The following CETP variants were observed in gnomAD, a reference collection of about 807,000 sequenced individuals.
The protein encoded by CETP is cholesteryl ester transfer protein, also known as BPI fold containing family F.
Under a neutral mutation model 66.5 loss-of-function variants are expected in CETP, and 56 were observed. That is an observed-to-expected ratio of 0.84 (90% CI 0.68 to 1.05). The LOEUF (loss-of-function observed/expected upper bound fraction) is 1.05. CETP is among the 50% of genes least tolerant of loss of function. The probability of loss-of-function intolerance (pLI) is 0.00; values close to 1 mark genes in which losing one functional copy is unlikely to be tolerated. For missense variants in CETP, 612 were observed against 609.6 expected, an observed-to-expected ratio of 1.00 and a Z score of -0.04; for synonymous variants, 251 against 245.7, an observed-to-expected ratio of 1.02 and a Z score of -0.20.
chr16:56,967,920 C>T (rs1194075534), intron 2 of CETP, among the ~76,000 whole-genome samples: 1 of 151,500 alleles, frequency 6.6e-6, no homozygotes, highest in African/African-American at 2.4e-5. Flanking sequence ...GATTACACAA[C>T]TGCACTCTGG....
Position 56,983,306 on chromosome 16 carries a change from G to C in CETP, c.1322-20G>C. The C allele has an allele frequency of 3.7e-6, 6 of 1,612,956 alleles. No homozygotes were observed. Among genetic ancestry groups the C allele is most frequent in the Non-Finnish European group, 5.1e-6 (6 of 1,178,932 alleles). ...TTGCTCCCCAAGAAGGGCTGACTGG[G>C]GCTCTGTCCCCTGCCCCAGGGCTCG... On this transcript the variant is annotated intron_variant, in intron 14 of 15. Transcript: ENST00000200676.
Position 56,978,173 on chromosome 16 carries a change from T to A in CETP, c.1064T>A (p.Val355Asp), listed in dbSNP as rs1348877906. 6.2e-7 allele frequency: 1 copy of A among 1,613,698 alleles called. No homozygotes were observed. The highest frequency in any genetic ancestry group is 1.7e-5 in the Admixed American group (1 of 59,996). ...MPKISCQNKG[V>D]VVNSSVMVKF... is the part of the protein sequence containing the mutation. ...AAGATCTCCTGCCAAAACAAGGGAG[T>A]CGTGGTCAATTCTTCAGTGATGGTG... Residue 355 changes from valine (V) to aspartate (D), a missense_variant, in exon 11 of 16, where the codon GTC (valine) becomes GAC (aspartate). By Grantham distance (152) the Val-to-Asp change is radical (BLOSUM62 -3). Coordinates refer to ENST00000200676, the MANE Select transcript of CETP (RefSeq NM_000078.3).
At chr16:56,967,610 G>T (rs1174951041) in intron 2 of CETP, among the ~76,000 whole-genome samples, 3 of 148,194 alleles carry the variant, frequency 2.0e-5, no homozygotes, top group African/African-American at 7.5e-5. Flanking sequence ...AGCCGAGATC[G>T]TGCCACTGCA....
intron 11 of CETP, among the ~76,000 whole-genome samples, chr16:56,980,719 C>T (rs2056181452): frequency 6.6e-6 from 1 of 152,064 alleles, no homozygotes; most frequent in African/African-American, 2.4e-5. Context: ...GTCAGGAGTT[C>T]AAGACCAGCC....
intron 10 of CETP, among the ~76,000 whole-genome samples, chr16:56,976,747 C>T (rs933557461): frequency 5.9e-5 from 9 of 152,080 alleles, no homozygotes; most frequent in African/African-American, 1.4e-4. Flanking sequence ...TTCCATTTTC[C>T]GTGTCTCTTA....
intron 2 of CETP, among the ~76,000 whole-genome samples, chr16:56,965,388 G>C (rs142534647): frequency 6.6e-6 from 1 of 152,148 alleles, no homozygotes; most frequent in Non-Finnish European, 1.5e-5. Context: ...TCTCTAAAGC[G>C]AATGGAATAA....
chr16:56,969,925 G>C lies in CETP; in HGVS notation c.451G>C (p.Gly151Arg). The C allele has an allele frequency of 3.1e-6, 5 of 1,614,106 alleles. No homozygotes were observed. Among genetic ancestry groups the C allele is most frequent in the Non-Finnish European group, 3.4e-6 (4 of 1,179,976 alleles). ...GGGTCTCCCTGCAGCCTGTGACTCT[G>C]GTAGAGTGCGGACCGATGCCCCTGA... ...QINTQLTCDS[G>R]RVRTDAPDCY... The change falls in exon 5 of 16, where the codon GGT becomes CGT. Residue 151 changes from glycine to arginine, a missense_variant. Transcript: ENST00000200676.
chr16:56,969,981 G>A lies in CETP; in HGVS notation c.507G>A (p.Leu169=). 1 of 1,613,942 alleles carries A rather than the reference G, an allele frequency of 6.2e-7. No individual in the cohort carries two copies. Among genetic ancestry groups the A allele is most frequent in the Middle Eastern group, 1.6e-4 (1 of 6,062 alleles). The stretch of plus-strand genomic sequence containing the variant: ...ACCTGTCTTTCCATAAGCTGCTCCT[G>A]CATCTCCAAGGGGAGCGAGAGTAAG... ...DCYLSFHKLL[L]HLQGEREPGW... Residue 169 remains leucine, a synonymous_variant, in exon 5 of 16, where the codon CTG becomes CTA. Transcript: ENST00000200676.
rs754154243 is a variant in CETP at position 56,978,253 on chromosome 16, G to T, written c.1144G>T (p.Glu382Ter). 6.2e-7 allele frequency: 1 copy of T among 1,614,132 alleles called. No homozygotes were observed. The highest frequency in any genetic ancestry group is 8.5e-7 in the Non-Finnish European group (1 of 1,180,026). ...ACATTCTGTAGCTTACACATTTGAA[G>T]AGGTGAGGCGGGTGCAGGGAGAGGT... ...QQHSVAYTFE[E>*]DIVTTVQASY... Residue 382 changes from glutamate to a stop codon, truncating the protein, a stop_gained and splice_region_variant, in exon 11 of 16, where the codon GAG (glutamate) becomes TAG (stop). Transcript: ENST00000200676. LOFTEE classifies it high-confidence loss of function.
intron 12 of CETP, 113 bp from the exon 13 acceptor site, chr16:56,981,534 G>T (rs2056187936): frequency 1.6e-6 from 2 of 1,272,846 alleles, no homozygotes; most frequent in Non-Finnish European, 1.1e-6. Flanking sequence ...GCCCCAAAGG[G>T]CCTGAGCTAT....
rs769857730 is a variant in CETP, at chr16:56,982,220, T to C, written c.1304T>C (p.Ile435Thr). 15 of 1,614,090 alleles carry C rather than the reference T, an allele frequency of 9.3e-6. No homozygotes were observed. The highest frequency in any genetic ancestry group is 1.3e-5 in the Non-Finnish European group (15 of 1,179,996). ...FLQSMITAVGIPEVMSRLEVV... is the reference protein window; with the variant it reads ...FLQSMITAVGTPEVMSRLEVV... ...CAGTCAATGATCACCGCTGTGGGCA[T>C]CCCTGAGGTCATGTCTCGTAAGTGT... Residue 435 changes from isoleucine to threonine, a missense_variant, in exon 14 of 16, where the codon ATC (isoleucine) becomes ACC (threonine). Coordinates refer to ENST00000200676, the MANE Select transcript of CETP (RefSeq NM_000078.3).
intron 11 of CETP, 88 bp from the exon 12 acceptor site, chr16:56,981,070 G>A (rs1165585139): frequency 1.0e-6 from 1 of 971,554 alleles, no homozygotes; most frequent in African/African-American, 1.6e-5. Context: ...GTCCCTCAGT[G>A]GAAAGAATCA....
chr16:56,981,899 T>A lies in CETP; in HGVS notation c.1248+219T>A, dbSNP rs543918477. On this transcript the variant is annotated intron_variant, in intron 13 of 15. Coordinates refer to ENST00000200676, the MANE Select transcript of CETP (RefSeq NM_000078.3). ...GAGAGTGTGGTGGTATGGATTGGGG[T>A]TTAGGCAGAACAGTACTGGCCAAGC... Among the ~76,000 whole-genome samples, 3 of 152,134 alleles carry A rather than the reference T, an allele frequency of 2.0e-5. No individual in the cohort carries two copies. The East Asian group carries it at 5.8e-4, about 29-fold the overall frequency.
At chr16:56,972,534 G>T (rs534225179) in intron 8 of CETP, among the ~76,000 whole-genome samples, 1 of 152,300 alleles carries the variant, frequency 6.6e-6, no homozygotes, top group South Asian at 2.1e-4. Context: ...CTGCAGCCCC[G>T]CGGGATCAGG....
chr16:56,982,047 G>T, intron 13 of CETP, 118 bp from the exon 14 acceptor site: 1 of 961,780 alleles, frequency 1.0e-6, no homozygotes, highest in Non-Finnish European at 1.7e-6. Flanking sequence ...GAGTGGGTTG[G>T]ATGTATTTTT....
rs756059330 is a variant in CETP, at chr16:56,971,390, G to A, written c.658+9G>A. On this transcript the variant is annotated intron_variant, in intron 7 of 15. Coordinates refer to ENST00000200676, the MANE Select transcript of CETP (RefSeq NM_000078.3). ...TGTCCAGACAAGGGCTGGTGAGTGC[G>A]TTTCTGTCTGCATGCCTCAGAAGAC... 12 of 1,613,106 alleles carry A rather than the reference G, an allele frequency of 7.4e-6. No individual in the cohort carries two copies. The highest frequency in any genetic ancestry group is 1.3e-5 in the African/African-American group (1 of 74,932).
chr16:56,982,240 A>G lies in CETP; in HGVS notation c.1321+3A>G. Reference sequence around the variant, plus strand: ...GGGCATCCCTGAGGTCATGTCTCGTAAGTGTGGGCTGGAGGGGAAACTGGG... The same window carrying G: ...GGGCATCCCTGAGGTCATGTCTCGTGAGTGTGGGCTGGAGGGGAAACTGGG... On this transcript the variant is annotated splice_donor_region_variant and intron_variant, in intron 14 of 15. Transcript: ENST00000200676. 1 of 1,613,920 alleles carries G rather than the reference A, an allele frequency of 6.2e-7. No individual in the cohort carries two copies. The highest frequency in any genetic ancestry group is 8.5e-7 in the Non-Finnish European group (1 of 1,179,880).
rs1371369653 is a variant in CETP, at chr16:56,983,215, A to G, written c.1322-111A>G. ...AAATCAAAGTGAAACGCATGTTTACAGAATATTGGTCCAAAAGGGTCTCAG... is the reference window on the plus strand; with the variant it reads ...AAATCAAAGTGAAACGCATGTTTACGGAATATTGGTCCAAAAGGGTCTCAG... On this transcript the variant is annotated intron_variant, in intron 14 of 15. Coordinates refer to ENST00000200676, the MANE Select transcript of CETP (RefSeq NM_000078.3). 9.6e-6 allele frequency: 8 copies of G among 833,224 alleles called. No homozygotes were observed. The African/African-American group carries it at 1.3e-4, about 14-fold the overall frequency. 51.6% of individuals were successfully genotyped at this position (833,224 alleles called of 1,614,324 possible).
At position 56,963,059 on chromosome 16, in the gene CETP, C is replaced by T. The variant is rs1344354869; in HGVS notation, c.168C>T (p.Ser56=). The change falls in exon 2 of 16, where the codon AGC becomes AGT. Residue 56 remains serine (S), a synonymous_variant. Coordinates refer to ENST00000200676, the MANE Select transcript of CETP (RefSeq NM_000078.3). ...KVIQTAFQRA[S]YPDITGEKAM... ...TCCAGACCGCCTTCCAGCGAGCCAG[C>T]TACCCAGATATCACGGGCGAGAAGG... is the stretch of plus-strand genomic sequence containing the variant. 1 of 1,614,194 alleles carries T rather than the reference C, an allele frequency of 6.2e-7. No individual in the cohort carries two copies.
Sources: allele counts gnomAD v4.1 joint callset (sites outside exome capture counted in the v4.1 genomes callset), GRCh38; gene constraint gnomAD v4.1.1; transcripts MANE v1.5; gene names NCBI Gene and HGNC (gene_info 2026-07-23, HGNC 2026-07-21).